The following IFNG-AS1 variants were observed in gnomAD, a reference collection of about 807,000 sequenced individuals.
IFNG-AS1 encodes the protein IFNG antisense RNA 1 (non-protein coding).
At chr12:67,995,444 C>T (rs1030126345) in intron 1 of IFNG-AS1, among the ~76,000 whole-genome samples, 5 of 134,292 alleles carry the variant, frequency 3.7e-5, no homozygotes, top group African/African-American at 1.1e-4. Context: ...AAAAAAGGGC[C>T]GCGCACTGTG....
At chr12:68,018,628 A>G (rs1318749364) in intron 3 of IFNG-AS1, among the ~76,000 whole-genome samples, 1 of 152,012 alleles carries the variant, frequency 6.6e-6, no homozygotes, top group Non-Finnish European at 1.5e-5. Context: ...GGTGGGGAGG[A>G]AGAAATACTC....
At chr12:67,994,306 A>G (rs1879584111) in intron 1 of IFNG-AS1, among the ~76,000 whole-genome samples, 1 of 152,238 alleles carries the variant, frequency 6.6e-6, no homozygotes, top group Non-Finnish European at 1.5e-5. Flanking sequence ...GTGTTGGTTC[A>G]AATCAATAAG....
At chr12:68,001,583 G>T in intron 2 of IFNG-AS1, 1 of 166,880 alleles carries the variant, frequency 6.0e-6, no homozygotes, top group South Asian at 1.5e-4. Flanking sequence ...ACACCACAAT[G>T]GCAGAGAAAG....
chr12:67,990,895 T>A (rs1879494916), intron 1 of IFNG-AS1, among the ~76,000 whole-genome samples: 1 of 131,668 alleles, frequency 7.6e-6, no homozygotes, highest in Non-Finnish European at 1.7e-5. Flanking sequence ...ACATAAATAA[T>A]TTTTTTTTAA....
chr12:67,994,638 C>G (rs1879593553), intron 1 of IFNG-AS1, among the ~76,000 whole-genome samples: 1 of 152,154 alleles, frequency 6.6e-6, no homozygotes, highest in Non-Finnish European at 1.5e-5. Flanking sequence ...TGCCGCTATT[C>G]TAAACATTGT....
chr12:67,990,853 A>C (rs1198601842), intron 1 of IFNG-AS1, among the ~76,000 whole-genome samples: 2 of 152,152 alleles, frequency 1.3e-5, no homozygotes, highest in Non-Finnish European at 2.9e-5. Context: ...CGGCCTCTCA[A>C]AGTGCTGGGA....
At chr12:67,990,115 C>A (rs912684443) in intron 1 of IFNG-AS1, among the ~76,000 whole-genome samples, 11 of 152,300 alleles carry the variant, frequency 7.2e-5, no homozygotes, top group Admixed American at 3.9e-4. Flanking sequence ...GTAATTAAAA[C>A]TACTAATTGC....
At chr12:68,013,320 C>T (rs1025147917) in intron 3 of IFNG-AS1, among the ~76,000 whole-genome samples, 14 of 152,310 alleles carry the variant, frequency 9.2e-5, no homozygotes, top group East Asian at 1.9e-4. Context: ...TGAAGGACCA[C>T]GTAATACAAG....
chr12:68,020,558 G>C (rs1254316702), intron 4 of IFNG-AS1: 1 of 152,148 alleles, frequency 6.6e-6, no homozygotes, highest in Admixed American at 6.5e-5. Flanking sequence ...TAAGAATTTG[G>C]AGTTGTTGGC....
chr12:68,012,846 A>G (rs1031183382), intron 3 of IFNG-AS1, among the ~76,000 whole-genome samples: 16 of 152,228 alleles, frequency 1.1e-4, no homozygotes, highest in African/African-American at 3.9e-4. Context: ...GCAGAAAGAG[A>G]ACAGCATGCA....
At chr12:68,007,144 AC>A (rs752768966) in intron 3 of IFNG-AS1, among the ~76,000 whole-genome samples, 1 of 152,158 alleles carries the variant, frequency 6.6e-6, no homozygotes, top group Non-Finnish European at 1.5e-5. Flanking sequence ...TTGTTGTGTG[AC>A]CTTGGGCATG....
intron 1 of IFNG-AS1, among the ~76,000 whole-genome samples, chr12:67,990,517 C>T (rs1466910836): frequency 1.3e-5 from 2 of 152,062 alleles, no homozygotes; most frequent in East Asian, 3.8e-4. Context: ...AACATCTGAA[C>T]ATCTTATATG....
At chr12:68,006,793 A>G (rs1879915527) in intron 3 of IFNG-AS1, among the ~76,000 whole-genome samples, 1 of 152,234 alleles carries the variant, frequency 6.6e-6, no homozygotes, top group Admixed American at 6.5e-5. Context: ...GAATTTTGCC[A>G]TTAAGCATGT....
At chr12:68,002,355 T>C (rs2906859) in intron 2 of IFNG-AS1, among the ~76,000 whole-genome samples, 96,642 of 152,134 alleles carry the variant, frequency 0.64, 30,946 homozygotes, top group Middle Eastern at 0.7. Context: ...GTTGTGTCAA[T>C]GGACTCTCCC....
chr12:67,998,034 G>A (rs1003537121), intron 2 of IFNG-AS1, among the ~76,000 whole-genome samples: 1 of 151,544 alleles, frequency 6.6e-6, no homozygotes, highest in South Asian at 2.1e-4. Context: ...CACATTGCTG[G>A]TGACAATGTC....
chr12:68,017,229 C>T (rs192928011), intron 3 of IFNG-AS1, among the ~76,000 whole-genome samples: 43 of 152,206 alleles, frequency 2.8e-4, no homozygotes, highest in African/African-American at 6.5e-4. Context: ...ACAAGAGGAA[C>T]GGTGGTATGA....
At chr12:67,990,834 C>T (rs1211941869) in intron 1 of IFNG-AS1, among the ~76,000 whole-genome samples, 3 of 152,032 alleles carry the variant, frequency 2.0e-5, no homozygotes, top group African/African-American at 4.8e-5. Flanking sequence ...CCTCGTGATC[C>T]GCCCGCCTCG....
intron 1 of IFNG-AS1, among the ~76,000 whole-genome samples, chr12:67,994,268 ATGAG>A (rs1879583464): frequency 2.0e-5 from 3 of 152,202 alleles, no homozygotes; most frequent in African/African-American, 7.2e-5. Flanking sequence ...ATAACAGAGA[ATGAG>A]TTAAATGAAT....
At chr12:68,019,143 T>A (rs2120486850) in intron 3 of IFNG-AS1, among the ~76,000 whole-genome samples, 1 of 152,234 alleles carries the variant, frequency 6.6e-6, no homozygotes, top group Admixed American at 6.5e-5. Flanking sequence ...CAGGAGGTAG[T>A]CTGACATGTA....
Sources: gnomAD v4.1 joint callset for allele counts (sites outside exome capture counted in the v4.1 genomes callset) on GRCh38, gnomAD v4.1.1 for gene constraint, MANE v1.5 for transcripts, NCBI Gene and HGNC (gene_info 2026-07-23, HGNC 2026-07-21) for gene names.